The following PCDHA7 variants were observed in gnomAD, a reference collection of about 807,000 sequenced individuals.
PCDHA7 encodes the protein protocadherin alpha-7.
Under a neutral mutation model 57.2 loss-of-function variants are expected in PCDHA7, and 37 were observed. The ratio of observed to expected loss-of-function variants is 0.65; its 90% CI spans 0.50 to 0.85. The LOEUF is 0.85. PCDHA7 is among the 40% of genes least tolerant of loss of function. The pLI is 0.00. For synonymous variants in PCDHA7, 553 were observed against 558.8 expected (o/e 0.99, Z 0.15); for missense variants, 1,188 against 1,241.8 (o/e 0.96, Z 0.65).
intron 1 of PCDHA7, chr5:140,856,661 C>T: frequency 6.3e-7 from 1 of 1,598,066 alleles, no homozygotes; most frequent in South Asian, 1.1e-5. Flanking sequence ...TGAAGAAAAT[C>T]CTCAGCTAAA....
chr5:140,859,141 A>T (rs1275943443), intron 1 of PCDHA7: 1 of 150,200 alleles, frequency 6.7e-6, no homozygotes, highest in African/African-American at 2.4e-5. Context: ...ACATAATTTT[A>T]TCCAGTAGCT....
chr5:140,926,778 A>G, intron 1 of PCDHA7: 1 of 1,393,042 alleles, frequency 7.2e-7, no homozygotes, highest in East Asian at 2.6e-5. Context: ...CGCAGCAGTG[A>G]CGGCCGGCAG....
chr5:140,948,497 C>G (rs1181465701), intron 1 of PCDHA7, among the ~76,000 whole-genome samples: 2 of 151,510 alleles, frequency 1.3e-5, no homozygotes, highest in Non-Finnish European at 3.0e-5. Context: ...CTTTCATAGA[C>G]TTTCTATTAA....
intron 1 of PCDHA7, chr5:140,928,400 C>G: frequency 6.2e-7 from 1 of 1,614,038 alleles, no homozygotes; most frequent in Non-Finnish European, 8.5e-7. Flanking sequence ...GTGGAATCAT[C>G]CAGTGGGGCC....
intron 2 of PCDHA7, among the ~76,000 whole-genome samples, chr5:140,979,550 T>C (rs1201791524): frequency 5.3e-5 from 8 of 152,238 alleles, no homozygotes; most frequent in Non-Finnish European, 7.3e-5. Flanking sequence ...ACATGGTTCT[T>C]CAGAAGATGA....
chr5:140,866,864 G>T (rs1217408755), intron 1 of PCDHA7: 1 of 152,050 alleles, frequency 6.6e-6, no homozygotes, highest in African/African-American at 2.4e-5. Context: ...GTATTGAAAT[G>T]ACTTCTTGGT....
chr5:140,997,357 A>G (rs1309712075), intron 3 of PCDHA7, among the ~76,000 whole-genome samples: 1 of 152,218 alleles, frequency 6.6e-6, no homozygotes, highest in Non-Finnish European at 1.5e-5. Flanking sequence ...ATGTACTTAC[A>G]TAAACCTAGA....
At chr5:140,942,580 G>A (rs782743450) in intron 1 of PCDHA7, among the ~76,000 whole-genome samples, 4 of 151,104 alleles carry the variant, frequency 2.6e-5, no homozygotes, top group Non-Finnish European at 5.9e-5. Flanking sequence ...TCCCATATAG[G>A]ATGTCACATA....
chr5:140,850,142 G>A lies in PCDHA7; in HGVS notation c.2355+13404G>A. 8.8e-6 allele frequency: 14 copies of A among 1,595,712 alleles called. 2 individuals are homozygous for A. Among genetic ancestry groups the A allele is most frequent in the Non-Finnish European group, 1.2e-5 (14 of 1,167,856 alleles). On this transcript the variant is annotated intron_variant, in intron 1 of 3. Transcript: ENST00000525929. ...GCGTGCCGCCTCTGGGCAGCAACGT[G>A]ACGCTGCAGGTGTTCGTGCTGGACG...
chr5:140,844,611 T>C (rs1779461835), intron 1 of PCDHA7, among the ~76,000 whole-genome samples: 1 of 149,406 alleles, frequency 6.7e-6, no homozygotes, highest in Non-Finnish European at 1.5e-5. Context: ...CTTAGAAAAA[T>C]GTTTTCATCA....
intron 1 of PCDHA7, chr5:140,863,693 C>T: frequency 3.3e-6 from 1 of 301,562 alleles, no homozygotes; most frequent in African/African-American, 2.2e-5. Flanking sequence ...TTTTGAGATG[C>T]TTTATTTAAA....
chr5:140,876,165 C>A, intron 1 of PCDHA7: 3 of 1,613,944 alleles, frequency 1.9e-6, no homozygotes, highest in Non-Finnish European at 2.5e-6. Flanking sequence ...TTCAAATAAC[C>A]GTCCTGGATG....
At position 140,996,204 on chromosome 5, in the gene PCDHA7, A is replaced by G. The variant is rs1405552013; in HGVS notation, c.2504-13423A>G. ...TCCATTTTATACCCTCAATGCAAGG[A>G]TATCACTACTTGTCTAGAAATGGTT... On this transcript the variant is annotated intron_variant, in intron 3 of 3. Coordinates refer to ENST00000525929, the MANE Select transcript of PCDHA7 (RefSeq NM_018910.3). Among the ~76,000 whole-genome samples the G allele has an allele frequency of 7.2e-5, 11 of 152,240 alleles. No homozygotes were observed. The South Asian group carries it at 2.3e-3, about 32-fold the overall frequency.
At chr5:140,990,962 T>C (rs2097423975) in intron 3 of PCDHA7, among the ~76,000 whole-genome samples, 2 of 152,180 alleles carry the variant, frequency 1.3e-5, no homozygotes, top group Non-Finnish European at 2.9e-5. Context: ...AATAGTCTCT[T>C]AGAACAAGAG....
intron 1 of PCDHA7, among the ~76,000 whole-genome samples, chr5:140,959,188 G>A (rs782018838): frequency 6.6e-6 from 1 of 151,982 alleles, no homozygotes; most frequent in Non-Finnish European, 1.5e-5. Context: ...ACCAGTCTGG[G>A]CAACATGGTG....
intron 1 of PCDHA7, among the ~76,000 whole-genome samples, chr5:140,976,335 G>T (rs1554237529): frequency 6.6e-6 from 1 of 152,140 alleles, no homozygotes; most frequent in East Asian, 1.9e-4. Flanking sequence ...TGGATTGCCT[G>T]AGGTCAGGTG....
chr5:140,901,333 T>C (rs1370254894), intron 1 of PCDHA7, among the ~76,000 whole-genome samples: 1 of 152,200 alleles, frequency 6.6e-6, no homozygotes, highest in East Asian at 1.9e-4. Flanking sequence ...TTGTAGTCGT[T>C]TTATAGTTTG....
At chr5:140,871,729 G>T in intron 1 of PCDHA7, 2 of 714,516 alleles carry the variant, frequency 2.8e-6, no homozygotes, top group South Asian at 2.4e-5. Context: ...TTAATATTTG[G>T]TTAGCAAATC....
chr5:140,869,499 G>A, intron 1 of PCDHA7: 8 of 1,614,196 alleles, frequency 5.0e-6, no homozygotes, highest in Non-Finnish European at 5.9e-6. Context: ...ACCCGCCGGT[G>A]TTCTCGCTCA....
Sources: allele counts gnomAD v4.1 joint callset (sites outside exome capture counted in the v4.1 genomes callset), GRCh38; gene constraint gnomAD v4.1.1; transcripts MANE v1.5; gene names NCBI Gene and HGNC (gene_info 2026-07-23, HGNC 2026-07-21).